Variants in ENAH observed in about 807,000 individuals in gnomAD.
The protein encoded by ENAH is ENAH actin regulator.
ENAH carries 23 observed loss-of-function variants against 78.7 expected under a neutral mutation model. That is an observed-to-expected ratio of 0.29 (90% CI 0.21 to 0.41). The LOEUF is 0.41. Among genes scored for constraint, ENAH ranks in the 10% least tolerant of loss-of-function variants. The pLI is 1.00. For missense variants in ENAH, 544 were observed against 691.0 expected (o/e 0.79, Z 2.39); for synonymous variants, 226 against 241.0 (o/e 0.94, Z 0.58).
intron 3 of ENAH, among the ~76,000 whole-genome samples, chr1:225,541,553 G>C (rs1406153224): frequency 6.6e-6 from 1 of 152,224 alleles, no homozygotes; most frequent in Non-Finnish European, 1.5e-5. Flanking sequence ...GGTATGTGAA[G>C]TAAAGCTCGA....
At chr1:225,518,412 A>C (rs1373155061) in intron 5 of ENAH, among the ~76,000 whole-genome samples, 1 of 152,216 alleles carries the variant, frequency 6.6e-6, no homozygotes, top group Non-Finnish European at 1.5e-5. Flanking sequence ...CAAAACATTT[A>C]ATATGAAGGG....
intron 1 of ENAH, among the ~76,000 whole-genome samples, chr1:225,578,257 G>A (rs1290657582): frequency 6.6e-6 from 1 of 152,172 alleles, no homozygotes; most frequent in African/African-American, 2.4e-5. Context: ...TTGAGCCCAG[G>A]AGTTAGAGAT....
At chr1:225,517,124 C>A in intron 6 of ENAH, 72 bp downstream of exon 6, 1 of 1,285,326 alleles carries the variant, frequency 7.8e-7, no homozygotes, top group South Asian at 1.7e-5. Flanking sequence ...CCCATCCATT[C>A]AGGCAATTAA....
At chr1:225,603,268 G>A (rs1051537501) in intron 1 of ENAH, among the ~76,000 whole-genome samples, 1 of 152,032 alleles carries the variant, frequency 6.6e-6, no homozygotes, top group Non-Finnish European at 1.5e-5. Context: ...AGAATTATAT[G>A]TATAACTTCT....
chr1:225,589,112 C>T (rs2096862709), intron 1 of ENAH, among the ~76,000 whole-genome samples: 1 of 151,964 alleles, frequency 6.6e-6, no homozygotes, highest in Admixed American at 6.6e-5. Flanking sequence ...GAAAAAAAAG[C>T]TAATCTATAG....
intron 1 of ENAH, among the ~76,000 whole-genome samples, chr1:225,615,187 C>T (rs991424068): frequency 5.3e-5 from 8 of 152,130 alleles, no homozygotes; most frequent in African/African-American, 1.9e-4. Context: ...GGATTGCAGG[C>T]GCGCGCCGCC....
rs138481716 is a variant in ENAH, at chr1:225,631,020, C to G, written c.5+21666G>C. 4.3e-4 allele frequency among the ~76,000 whole-genome samples: 66 copies of G among 152,248 alleles called. 1 individual carries two copies. The East Asian group carries it at 0.011, about 26-fold the overall frequency. On this transcript the variant is annotated intron_variant, in intron 1 of 13. Transcript: ENST00000366843. ...AGACTTCACCGACCTTAAATATAAC[C>G]AATTACAAATAGCAACAAAATTTTT...
intron 4 of ENAH, among the ~76,000 whole-genome samples, chr1:225,524,083 A>G (rs1363636155): frequency 6.6e-6 from 1 of 152,216 alleles, no homozygotes; most frequent in African/African-American, 2.4e-5. Context: ...GCAAATCACC[A>G]ATATTATTTT....
intron 1 of ENAH, among the ~76,000 whole-genome samples, chr1:225,620,244 C>T (rs1174142853): frequency 1.3e-5 from 2 of 151,844 alleles, no homozygotes; most frequent in Non-Finnish European, 2.9e-5. Context: ...AGAAAAGTAC[C>T]AGGCCTCGCG....
intron 1 of ENAH, among the ~76,000 whole-genome samples, chr1:225,638,168 C>T (rs1172878163): frequency 6.6e-6 from 1 of 151,998 alleles, no homozygotes; most frequent in Non-Finnish European, 1.5e-5. Context: ...AGCAGAATGG[C>T]TCTGAAGTCA....
chr1:225,544,191 AC>A (rs2096602538), intron 3 of ENAH, among the ~76,000 whole-genome samples: 1 of 152,256 alleles, frequency 6.6e-6, no homozygotes, highest in Non-Finnish European at 1.5e-5. Context: ...CAGAGGTATC[AC>A]AATTTTTGAC....
At chr1:225,514,022 G>A (rs990345963) in intron 7 of ENAH, among the ~76,000 whole-genome samples, 1 of 152,020 alleles carries the variant, frequency 6.6e-6, no homozygotes, top group Non-Finnish European at 1.5e-5. Flanking sequence ...CATGTGTAAA[G>A]AAGGAAACAT....
intron 4 of ENAH, among the ~76,000 whole-genome samples, chr1:225,528,712 T>C (rs560303663): frequency 6.6e-6 from 1 of 152,332 alleles, no homozygotes; most frequent in Non-Finnish European, 1.5e-5. Context: ...GTAGGAGTTA[T>C]ATGTTTAGAA....
intron 1 of ENAH, among the ~76,000 whole-genome samples, chr1:225,579,628 T>C (rs921023344): frequency 1.3e-4 from 20 of 152,272 alleles, no homozygotes; most frequent in Middle Eastern, 3.4e-3. Flanking sequence ...ACATGAAGAA[T>C]AGAATAGCAG....
intron 1 of ENAH, among the ~76,000 whole-genome samples, chr1:225,585,497 G>C (rs498350): frequency 0.66 from 100,178 of 151,996 alleles, 33,345 homozygotes; most frequent in Middle Eastern, 0.74. Flanking sequence ...AAAAAAAATT[G>C]AATAAATTGC....
chr1:225,588,801 C>CAA (rs55962047), intron 1 of ENAH, among the ~76,000 whole-genome samples: 1,122 of 78,416 alleles, frequency 0.014, 19 homozygotes, highest in African/African-American at 0.054. Flanking sequence ...AAGTCTGTGT[C>CAA]AAAAAAAAAA....
intron 7 of ENAH, 144 bp from the exon 8 acceptor site, chr1:225,513,160 A>G: frequency 7.4e-6 from 5 of 674,888 alleles, no homozygotes; most frequent in Non-Finnish European, 1.2e-5. Context: ...GAACCAATAG[A>G]TTCTTAGCAT....
rs987054484 is a variant in ENAH, at chr1:225,489,231, C to T, written c.*8544G>A. ...ATTGGAGCATGGATCTCGTGTGGTCCCATTACATGATTGGAATCAGTCTTT... is the reference window on the plus strand; with the variant it reads ...ATTGGAGCATGGATCTCGTGTGGTCTCATTACATGATTGGAATCAGTCTTT... On this transcript the variant is annotated 3_prime_UTR_variant, in exon 14 of 14. Transcript: ENST00000366843. 2.6e-5 allele frequency: 4 copies of T among 151,996 alleles called. No individual in the cohort carries two copies. Among genetic ancestry groups the T allele is most frequent in the African/African-American group, 9.7e-5 (4 of 41,366 alleles). The allele number at this position is 151,996 out of a possible 1,614,324, so 9.4% of individuals were successfully genotyped here.
chr1:225,569,954 C>T (rs1411997244), intron 1 of ENAH, among the ~76,000 whole-genome samples: 2 of 152,012 alleles, frequency 1.3e-5, no homozygotes. Flanking sequence ...ACCTGTAATC[C>T]CAGCACTTTG....
Sources: gnomAD v4.1 joint callset for allele counts (sites outside exome capture counted in the v4.1 genomes callset) on GRCh38, gnomAD v4.1.1 for gene constraint, MANE v1.5 for transcripts, NCBI Gene and HGNC (gene_info 2026-07-23, HGNC 2026-07-21) for gene names.